Variants in MMAA observed in about 807,000 individuals in gnomAD.
MMAA encodes methylmalonic aciduria type A protein, mitochondrial.
In MMAA, 41 loss-of-function variants were observed where a neutral mutation model predicts 45.0. The observed-to-expected ratio is 0.91, with a 90% CI of 0.71 to 1.18. MMAA has a LOEUF of 1.18. Among genes scored for constraint, MMAA ranks in the 50% most tolerant of loss-of-function variants. The pLI is 0.00. For synonymous variants in MMAA, 154 were observed against 178.2 expected (o/e 0.86, Z 1.08); for missense variants, 460 against 495.7 (o/e 0.93, Z 0.68).
chr4:145,640,922 G>GTAAATTTTT (rs1727762158), intron 2 of MMAA, among the ~76,000 whole-genome samples: 25 of 151,938 alleles, frequency 1.6e-4, no homozygotes, highest in Admixed American at 1.6e-3. Flanking sequence ...AAAATTTTGT[G>GTAAATTTTT]GAGAATGAGT....
chr4:145,623,045 T>C (rs1441450949), intron 1 of MMAA, among the ~76,000 whole-genome samples: 1 of 152,212 alleles, frequency 6.6e-6, no homozygotes, highest in Non-Finnish European at 1.5e-5. Flanking sequence ...AACCCACTTC[T>C]CTCTTACAGA....
chr4:145,654,646 A>T (rs184359587), intron 6 of MMAA, among the ~76,000 whole-genome samples: 1 of 152,356 alleles, frequency 6.6e-6, no homozygotes, highest in Admixed American at 6.5e-5. Context: ...TTACTGTCAT[A>T]TCCCAGTTTT....
At chr4:145,621,125 C>CA (rs1488594577) in intron 1 of MMAA, among the ~76,000 whole-genome samples, 1 of 152,182 alleles carries the variant, frequency 6.6e-6, no homozygotes. Context: ...GGCCCTGTGC[C>CA]AGGCTCTCTC....
intron 1 of MMAA, among the ~76,000 whole-genome samples, chr4:145,626,672 G>T (rs554360803): frequency 6.6e-6 from 1 of 152,242 alleles, no homozygotes; most frequent in Admixed American, 6.5e-5. Flanking sequence ...TTTTTTCCAA[G>T]TTCTGCCACT....
chr4:145,648,397 C>T (rs1475500206), intron 4 of MMAA, among the ~76,000 whole-genome samples: 10 of 152,222 alleles, frequency 6.6e-5, no homozygotes, highest in Non-Finnish European at 1.0e-4. Context: ...CCGCCCGCCT[C>T]GGCCTGCCAA....
intron 3 of MMAA, among the ~76,000 whole-genome samples, chr4:145,643,800 T>C (rs1166744868): frequency 6.6e-6 from 1 of 152,086 alleles, no homozygotes; most frequent in Non-Finnish European, 1.5e-5. Flanking sequence ...ATTTTCACAA[T>C]ATTCTAGAAT....
intron 1 of MMAA, among the ~76,000 whole-genome samples, chr4:145,631,296 A>G (rs528319143): frequency 2.0e-5 from 3 of 152,280 alleles, no homozygotes; most frequent in East Asian, 3.9e-4. Flanking sequence ...TCTATCTCCA[A>G]TAATATTTGC....
chr4:145,648,039 TTAG>T (rs2126624550), intron 4 of MMAA, among the ~76,000 whole-genome samples: 1 of 150,612 alleles, frequency 6.6e-6, no homozygotes, highest in Admixed American at 6.6e-5. Flanking sequence ...TTTTTTTTTT[TTAG>T]TAGAGACAGG....
intron 5 of MMAA, among the ~76,000 whole-genome samples, chr4:145,652,746 CAAA>C (rs372450541): frequency 7.2e-5 from 11 of 151,802 alleles, no homozygotes; most frequent in Non-Finnish European, 1.0e-4. Flanking sequence ...ACAACAACAA[CAAA>C]AAAACCCAGG....
intron 4 of MMAA, chr4:145,650,540 C>T (rs1353170628): frequency 1.2e-5 from 2 of 163,416 alleles, no homozygotes; most frequent in Non-Finnish European, 2.7e-5. Flanking sequence ...AGGGAGATTG[C>T]TTTTGCCAGG....
At chr4:145,625,710 G>A (rs576914634) in intron 1 of MMAA, 5 of 1,469,620 alleles carry the variant, frequency 3.4e-6, no homozygotes, top group Admixed American at 1.7e-5. Context: ...TTTGTTTTGG[G>A]TACACTCCAG....
At chr4:145,648,731 TC>T (rs1353603652) in intron 4 of MMAA, among the ~76,000 whole-genome samples, 1 of 152,194 alleles carries the variant, frequency 6.6e-6, no homozygotes, top group Non-Finnish European at 1.5e-5. Context: ...CAGCCTGTAA[TC>T]CCAGCACTTT....
At chr4:145,639,900 C>A in intron 2 of MMAA, 1 of 871,564 alleles carries the variant, frequency 1.1e-6, no homozygotes, top group Non-Finnish European at 1.4e-6. Flanking sequence ...AGTAGTCCTT[C>A]TGCTTAAATA....
At chr4:145,625,576 A>C (rs1264504531) in intron 1 of MMAA, 1 of 770,668 alleles carries the variant, frequency 1.3e-6, no homozygotes, top group Non-Finnish European at 2.4e-6. Context: ...AGAGACCTAA[A>C]TATGGTGATG....
At chr4:145,655,078 A>G (rs1453848970) in intron 6 of MMAA, 69 bp from the exon 7 acceptor site, 3 of 1,554,020 alleles carry the variant, frequency 1.9e-6, no homozygotes, top group African/African-American at 1.4e-5. Context: ...ACTGGCAGGT[A>G]TCAGCGTCCC....
At chr4:145,629,966 G>A (rs1005320429) in intron 1 of MMAA, among the ~76,000 whole-genome samples, 9 of 152,036 alleles carry the variant, frequency 5.9e-5, no homozygotes, top group African/African-American at 1.9e-4. Flanking sequence ...AAGCCTCTAG[G>A]TATTTTTTTT....
intron 1 of MMAA, among the ~76,000 whole-genome samples, chr4:145,623,092 G>A (rs1734122282): frequency 1.3e-5 from 2 of 152,186 alleles, no homozygotes; most frequent in Admixed American, 1.3e-4. Context: ...TAAGGAGATT[G>A]AGAAAACATC....
chr4:145,632,075 T>G (rs972719617), intron 1 of MMAA, among the ~76,000 whole-genome samples: 2 of 152,224 alleles, frequency 1.3e-5, no homozygotes, highest in African/African-American at 4.8e-5. Flanking sequence ...ACAATATTCT[T>G]TTGCTTACTT....
Position 145,655,547 on chromosome 4 carries a change from T to C in MMAA, c.*113T>C. Reference sequence around the variant, plus strand: ...TTATTGTATGGTGCTCTTGTCTTCTTTGTTTGTGACCCATGCTTGAAAACT... The same window carrying C: ...TTATTGTATGGTGCTCTTGTCTTCTCTGTTTGTGACCCATGCTTGAAAACT... On this transcript the variant is annotated 3_prime_UTR_variant, in exon 7 of 7. Coordinates refer to ENST00000649156, the MANE Select transcript of MMAA (RefSeq NM_172250.3). 1 of 1,072,820 alleles carries C rather than the reference T, an allele frequency of 9.3e-7. No individual in the cohort carries two copies. The highest frequency in any genetic ancestry group is 1.3e-6 in the Non-Finnish European group (1 of 760,360). 66.5% of individuals were successfully genotyped at this position (1,072,820 alleles called of 1,614,324 possible). A position where few individuals can be genotyped will look rare whatever the true frequency, so the allele number is the denominator to read the frequency against.
Sources: allele counts gnomAD v4.1 joint callset (sites outside exome capture counted in the v4.1 genomes callset), GRCh38; gene constraint gnomAD v4.1.1; transcripts MANE v1.5; gene names NCBI Gene and HGNC (gene_info 2026-07-23, HGNC 2026-07-21).